Variants in MAGI2 observed in about 807,000 individuals in gnomAD.
The protein encoded by MAGI2 is membrane-associated guanylate kinase, WW and PDZ domain-containing protein 2.
A neutral mutation model predicts 133.3 loss-of-function variants in MAGI2; 35 were observed. That is an observed-to-expected ratio of 0.26 (90% CI 0.20 to 0.35). The LOEUF (loss-of-function observed/expected upper bound fraction) is 0.35. Among genes scored for constraint, MAGI2 ranks in the 10% least tolerant of loss-of-function variants. The probability of loss-of-function intolerance (pLI) is 1.00; values close to 1 mark genes in which losing one functional copy is unlikely to be tolerated. For synonymous variants in MAGI2, 729 were observed against 710.6 expected (o/e 1.03, Z -0.41); for missense variants, 1,636 against 1,863.4 (o/e 0.88, Z 2.25).
chr7:79,077,594 A>AAAAAAAAC (rs1815634530), intron 1 of MAGI2, among the ~76,000 whole-genome samples: 1 of 53,604 alleles, frequency 1.9e-5, no homozygotes, highest in Non-Finnish European at 4.9e-5. Flanking sequence ...AAAAAAAAAA[A>AAAAAAAAC]ATAAATAAAT....
intron 6 of MAGI2, among the ~76,000 whole-genome samples, chr7:78,392,388 T>C (rs1795975348): frequency 6.6e-6 from 1 of 152,178 alleles, no homozygotes; most frequent in Admixed American, 6.5e-5. Flanking sequence ...GATAGAGAGA[T>C]ACTTTTGCAG....
chr7:78,362,209 C>G (rs143001590), intron 7 of MAGI2, among the ~76,000 whole-genome samples: 1 of 151,794 alleles, frequency 6.6e-6, no homozygotes, highest in Non-Finnish European at 1.5e-5. Context: ...GGCTGTGGCA[C>G]GAGAATCGCT....
chr7:78,622,498 A>T (rs1807853515), intron 3 of MAGI2, among the ~76,000 whole-genome samples: 1 of 152,086 alleles, frequency 6.6e-6, no homozygotes, highest in South Asian at 2.1e-4. Flanking sequence ...TTTTCAACAT[A>T]AAAGTTCTCA....
intron 3 of MAGI2, among the ~76,000 whole-genome samples, chr7:78,577,473 G>A (rs563867116): frequency 6.6e-6 from 1 of 152,264 alleles, no homozygotes; most frequent in East Asian, 1.9e-4. Flanking sequence ...AAATTATGCT[G>A]ATTTTCATGC....
intron 16 of MAGI2, among the ~76,000 whole-genome samples, chr7:78,153,435 C>T (rs73134356): frequency 0.027 from 4,148 of 152,174 alleles, 77 homozygotes; most frequent in South Asian, 0.058. Flanking sequence ...CAGCCTCATT[C>T]GTTTTATCTC....
At chr7:78,600,791 A>G (rs1024292942) in intron 3 of MAGI2, among the ~76,000 whole-genome samples, 1 of 152,014 alleles carries the variant, frequency 6.6e-6, no homozygotes, top group Non-Finnish European at 1.5e-5. Context: ...TTAGATTAGG[A>G]ATCAGGTTAG....
intron 3 of MAGI2, among the ~76,000 whole-genome samples, chr7:78,588,568 C>T (rs1803662507): frequency 1.3e-5 from 2 of 152,302 alleles, no homozygotes; most frequent in Non-Finnish European, 2.9e-5. Flanking sequence ...TGCATTCATG[C>T]CCAACCCAGA....
At chr7:78,522,417 T>TCA (rs1796582185) in intron 3 of MAGI2, among the ~76,000 whole-genome samples, 1 of 152,220 alleles carries the variant, frequency 6.6e-6, no homozygotes, top group Non-Finnish European at 1.5e-5. Flanking sequence ...CTTGCTCTGT[T>TCA]GCCCAGGCTG....
At chr7:78,307,990 G>T (rs1798382947) in intron 9 of MAGI2, among the ~76,000 whole-genome samples, 1 of 152,142 alleles carries the variant, frequency 6.6e-6, no homozygotes, top group African/African-American at 2.4e-5. Flanking sequence ...AGAGGCATTG[G>T]ATAAGAGAAT....
intron 1 of MAGI2, among the ~76,000 whole-genome samples, chr7:79,361,138 T>C (rs1015873036): frequency 1.3e-5 from 2 of 152,154 alleles, no homozygotes; most frequent in African/African-American, 4.8e-5. Context: ...TGCATAATAA[T>C]TAAAGTACTT....
chr7:78,625,312 ATAATT>A (rs1440612326), intron 3 of MAGI2, among the ~76,000 whole-genome samples: 6 of 152,044 alleles, frequency 3.9e-5, no homozygotes, highest in Non-Finnish European at 7.4e-5. Context: ...CAGAGAAAAC[ATAATT>A]TAAGTATAGT....
At position 78,644,850 on chromosome 7, in the gene MAGI2, T is replaced by A. The variant is rs189054847; in HGVS notation, c.419-17611A>T. Among the ~76,000 whole-genome samples the A allele has an allele frequency of 6.3e-3, 961 of 152,054 alleles. 6 individuals are homozygous for A. Among genetic ancestry groups the A allele is most frequent in the Non-Finnish European group, 0.011 (773 of 67,908 alleles). On this transcript the variant is annotated intron_variant, in intron 2 of 21. Coordinates refer to ENST00000354212, the MANE Select transcript of MAGI2 (RefSeq NM_012301.4). ...AATAGCTGGCTAAGAGAAAAATCAATAAAACTGATAAACCTCCAAGCTAGA... is the reference window on the plus strand; with the variant it reads ...AATAGCTGGCTAAGAGAAAAATCAAAAAAACTGATAAACCTCCAAGCTAGA...
intron 9 of MAGI2, among the ~76,000 whole-genome samples, chr7:78,334,511 AG>A (rs1464885944): frequency 6.6e-6 from 1 of 152,220 alleles, no homozygotes; most frequent in African/African-American, 2.4e-5. Context: ...TGTAAAGATT[AG>A]GGTTTTTTCT....
chr7:78,649,391 G>A (rs1250168917), intron 2 of MAGI2, among the ~76,000 whole-genome samples: 1 of 151,712 alleles, frequency 6.6e-6, no homozygotes, highest in Non-Finnish European at 1.5e-5. Context: ...TTAAAGAATT[G>A]CTTTTGGATT....
At chr7:78,612,580 GCCT>G (rs1226604219) in intron 3 of MAGI2, among the ~76,000 whole-genome samples, 1 of 152,068 alleles carries the variant, frequency 6.6e-6, no homozygotes, top group African/African-American at 2.4e-5. Context: ...TCCCCTACCA[GCCT>G]CCTAATGACA....
intron 18 of MAGI2, among the ~76,000 whole-genome samples, chr7:78,130,544 A>C (rs181776593): frequency 8.5e-5 from 13 of 152,314 alleles, no homozygotes; most frequent in Non-Finnish European, 1.3e-4. Context: ...CTTTAAATGC[A>C]ATTGGGAAAA....
chr7:78,695,232 T>TAAATA (rs374491951), intron 2 of MAGI2, among the ~76,000 whole-genome samples: 7,817 of 152,016 alleles, frequency 0.051, 279 homozygotes, highest in Non-Finnish European at 0.077. Context: ...CTCAAAAAAA[T>TAAATA]AATAAAGTAA....
At chr7:78,573,202 A>G (rs1216308410) in intron 3 of MAGI2, among the ~76,000 whole-genome samples, 5 of 89,124 alleles carry the variant, frequency 5.6e-5, no homozygotes, top group Non-Finnish European at 4.1e-5. Context: ...ATATATATAT[A>G]TAAATATATA....
At chr7:78,426,955 A>G (rs977217270) in intron 6 of MAGI2, among the ~76,000 whole-genome samples, 1 of 152,204 alleles carries the variant, frequency 6.6e-6, no homozygotes. Flanking sequence ...AATACATATG[A>G]CAACAGTAGC....
Sources: gnomAD v4.1 joint callset for allele counts (sites outside exome capture counted in the v4.1 genomes callset) on GRCh38, gnomAD v4.1.1 for gene constraint, MANE v1.5 for transcripts, NCBI Gene and HGNC (gene_info 2026-07-23, HGNC 2026-07-21) for gene names.